The following ARHGAP26 variants were observed in gnomAD, a reference collection of about 807,000 sequenced individuals.
The protein encoded by ARHGAP26 is rho GTPase-activating protein 26.
ARHGAP26 carries 38 observed loss-of-function variants against 104.8 expected under a neutral mutation model. That is an observed-to-expected ratio of 0.36 (90% CI 0.28 to 0.48). The LOEUF (loss-of-function observed/expected upper bound fraction) is 0.48, where lower values mean the gene tolerates loss of function less well. Among genes scored for constraint, ARHGAP26 ranks in the 20% least tolerant of loss-of-function variants. ARHGAP26 has a pLI of 0.99. For missense variants in ARHGAP26, 704 were observed against 947.9 expected, an observed-to-expected ratio of 0.74 and a Z score of 3.38; for synonymous variants, 341 against 340.0, an observed-to-expected ratio of 1.00 and a Z score of -0.03.
intron 13 of ARHGAP26, among the ~76,000 whole-genome samples, chr5:143,040,058 AT>A (rs1402990714): frequency 6.6e-6 from 1 of 152,138 alleles, no homozygotes; most frequent in Non-Finnish European, 1.5e-5. Context: ...ACTCTCTGGG[AT>A]TTGACAATTG....
intron 11 of ARHGAP26, among the ~76,000 whole-genome samples, chr5:142,959,156 A>G (rs1769786473): frequency 6.6e-6 from 1 of 152,210 alleles, no homozygotes; most frequent in Admixed American, 6.5e-5. Context: ...GCTGGCCCTT[A>G]ATTTTATGCT....
At chr5:143,214,140 G>GCCCCCCCCCCCCCCCCC in intron 22 of ARHGAP26, 52 bp downstream of exon 22, 1 of 421,944 alleles carries the variant, frequency 2.4e-6, no homozygotes, top group Non-Finnish European at 5.0e-6. Flanking sequence ...GGGGCAAGGG[G>GCCCCCCCCCCCCCCCCC]AGCACATAAA....
intron 6 of ARHGAP26, among the ~76,000 whole-genome samples, chr5:142,895,477 G>A (rs1001404959): frequency 6.6e-6 from 1 of 152,118 alleles, no homozygotes; most frequent in Admixed American, 6.5e-5. Flanking sequence ...TGATCCGCCC[G>A]CCTCGGCCTC....
chr5:143,126,304 G>T (rs1333947964), intron 18 of ARHGAP26, among the ~76,000 whole-genome samples: 1 of 152,178 alleles, frequency 6.6e-6, no homozygotes, highest in Non-Finnish European at 1.5e-5. Context: ...ACTGTGGGTT[G>T]TTAGCAAGTA....
intron 20 of ARHGAP26, among the ~76,000 whole-genome samples, chr5:143,166,553 T>C (rs1801976181): frequency 6.6e-6 from 1 of 152,168 alleles, no homozygotes; most frequent in Admixed American, 6.5e-5. Flanking sequence ...GGCTTTACTC[T>C]CCCTCACAGC....
intron 14 of ARHGAP26, among the ~76,000 whole-genome samples, chr5:143,044,260 T>C (rs1783900687): frequency 6.6e-6 from 1 of 152,200 alleles, no homozygotes; most frequent in Non-Finnish European, 1.5e-5. Flanking sequence ...GAGTCAGGGA[T>C]GCCAATGATG....
intron 11 of ARHGAP26, among the ~76,000 whole-genome samples, chr5:142,975,166 G>T (rs1169558409): frequency 6.6e-6 from 1 of 152,194 alleles, no homozygotes. Flanking sequence ...TGAGCAAGGA[G>T]ATGTAGCATC....
At chr5:142,937,323 A>G (rs1254220347) in intron 11 of ARHGAP26, among the ~76,000 whole-genome samples, 1 of 152,210 alleles carries the variant, frequency 6.6e-6, no homozygotes, top group African/African-American at 2.4e-5. Context: ...ATTAGCCATT[A>G]GGGAAATGCA....
chr5:142,941,053 C>T (rs1464859040), intron 11 of ARHGAP26, among the ~76,000 whole-genome samples: 3 of 111,446 alleles, frequency 2.7e-5, no homozygotes, highest in South Asian at 3.3e-4. Context: ...CCAGCCTGGG[C>T]GACTGAGAGC....
chr5:142,867,288 G>GT (rs1754458980), intron 1 of ARHGAP26, among the ~76,000 whole-genome samples: 1 of 143,596 alleles, frequency 7.0e-6, no homozygotes. Flanking sequence ...ATTTGCACAG[G>GT]GTGTGTGTGT....
intron 9 of ARHGAP26, among the ~76,000 whole-genome samples, chr5:142,911,014 T>C (rs932665771): frequency 2.0e-5 from 3 of 152,198 alleles, no homozygotes; most frequent in Non-Finnish European, 4.4e-5. Flanking sequence ...CACTGTCCTT[T>C]TCATTTGGAT....
In ARHGAP26 at chr5:143,051,879, G is replaced by GT. The variant is rs577744500; in HGVS notation, c.1286-2560_1286-2559insT. Among the ~76,000 whole-genome samples, 747 of 152,266 alleles carry GT rather than the reference G, an allele frequency of 4.9e-3. 2 individuals carry two copies. Among genetic ancestry groups the GT allele is most frequent in the Non-Finnish European group, 6.5e-3 (440 of 68,040 alleles). On this transcript the variant is annotated intron_variant, in intron 14 of 22. Coordinates refer to ENST00000645722, the MANE Select transcript of ARHGAP26 (RefSeq NM_001135608.3). Reference sequence around the variant, plus strand: ...GTTTCATGTTCACTCTTCTTGGGTAGAAGTTGGTTTCTTCTTTAGAAAAAT... The same window carrying GT: ...GTTTCATGTTCACTCTTCTTGGGTAGTAAGTTGGTTTCTTCTTTAGAAAAAT...
intron 20 of ARHGAP26, among the ~76,000 whole-genome samples, chr5:143,167,715 G>T (rs1802203804): frequency 6.6e-6 from 1 of 151,998 alleles, no homozygotes; most frequent in Non-Finnish European, 1.5e-5. Flanking sequence ...TGTTTTAACT[G>T]GTGCTGGGTT....
At chr5:143,083,690 G>C (rs1031068869) in intron 17 of ARHGAP26, among the ~76,000 whole-genome samples, 4 of 152,058 alleles carry the variant, frequency 2.6e-5, no homozygotes, top group African/African-American at 9.7e-5. Context: ...GTAGAGATAG[G>C]GTTTCACCAT....
intron 17 of ARHGAP26, among the ~76,000 whole-genome samples, chr5:143,080,685 T>G (rs1402338750): frequency 6.6e-6 from 1 of 152,224 alleles, no homozygotes; most frequent in Non-Finnish European, 1.5e-5. Flanking sequence ...AGGGGCCAGA[T>G]GAAGTGGTAG....
chr5:142,958,895 G>A (rs1239308185), intron 11 of ARHGAP26, among the ~76,000 whole-genome samples: 8 of 138,572 alleles, frequency 5.8e-5, no homozygotes, highest in African/African-American at 2.0e-4. Context: ...ACAGTGAGAC[G>A]CTGTCTCTTA....
chr5:142,992,837 T>C (rs1160751623), intron 11 of ARHGAP26, among the ~76,000 whole-genome samples: 1 of 152,264 alleles, frequency 6.6e-6, no homozygotes, highest in Non-Finnish European at 1.5e-5. Context: ...TGCTGGGTTC[T>C]GTGCCTCGCC....
chr5:142,927,459 T>G (rs1205679696), intron 10 of ARHGAP26, among the ~76,000 whole-genome samples: 1 of 152,240 alleles, frequency 6.6e-6, no homozygotes, highest in Admixed American at 6.5e-5. Flanking sequence ...CCCTCATCAT[T>G]ATGTCTCTGA....
intron 5 of ARHGAP26, among the ~76,000 whole-genome samples, chr5:142,889,433 C>T (rs774797108): frequency 2.0e-5 from 3 of 151,714 alleles, no homozygotes; most frequent in African/African-American, 4.8e-5. Flanking sequence ...GCCAACAAGG[C>T]GAAACCCTGT....
Sources: gnomAD v4.1 joint callset for allele counts (sites outside exome capture counted in the v4.1 genomes callset) on GRCh38, gnomAD v4.1.1 for gene constraint, MANE v1.5 for transcripts, NCBI Gene and HGNC (gene_info 2026-07-23, HGNC 2026-07-21) for gene names.